Variants in SNX29 observed in about 807,000 individuals in gnomAD.
SNX29 encodes sorting nexin 29.
Under a neutral mutation model 102.1 loss-of-function variants are expected in SNX29, and 78 were observed. The observed-to-expected ratio is 0.76, with a 90% CI of 0.64 to 0.92. The LOEUF is 0.92. SNX29 is among the 40% of genes least tolerant of loss of function. The pLI is 0.00. For synonymous variants in SNX29, 580 were observed against 414.5 expected, an observed-to-expected ratio of 1.40 and a Z score of -4.85; for missense variants, 1,280 against 1,061.7, an observed-to-expected ratio of 1.21 and a Z score of -2.86.
At position 12,570,892 on chromosome 16, in the gene SNX29, A is replaced by C. The variant is rs2079173705; in HGVS notation, c.*2263A>C. On this transcript the variant is annotated 3_prime_UTR_variant, in exon 21 of 21. Transcript: ENST00000566228. ...CTACTTTTATAATACTGAATTATTC[A>C]CAAAAAACCTGGTCTGCTCTCCAAA... is the stretch of plus-strand genomic sequence containing the variant. The C allele has an allele frequency of 4.3e-6, 1 of 230,240 alleles. No individual in the cohort carries two copies. Among genetic ancestry groups the C allele is most frequent in the South Asian group, 1.9e-4 (1 of 5,398 alleles). The allele number at this position is 230,240 out of a possible 1,614,324, so 14.3% of individuals were successfully genotyped here.
chr16:12,157,373 C>A (rs1202931326), intron 13 of SNX29, among the ~76,000 whole-genome samples: 1 of 152,072 alleles, frequency 6.6e-6, no homozygotes, highest in Admixed American at 6.5e-5. Flanking sequence ...CACTGGCCCT[C>A]CACAGCATGA....
chr16:12,268,639 C>G (rs187954661), intron 14 of SNX29, among the ~76,000 whole-genome samples: 1 of 152,146 alleles, frequency 6.6e-6, no homozygotes, highest in Non-Finnish European at 1.5e-5. Flanking sequence ...GAACCTTGCC[C>G]GTTGTTATGG....
chr16:12,395,614 G>C (rs80031757), intron 16 of SNX29, among the ~76,000 whole-genome samples: 1,998 of 152,314 alleles, frequency 0.013, 45 homozygotes, highest in African/African-American at 0.045. Context: ...AATAGAGATA[G>C]CCATGTTGCT....
chr16:12,547,913 G>C (rs1330042016), intron 20 of SNX29, among the ~76,000 whole-genome samples: 1 of 152,150 alleles, frequency 6.6e-6, no homozygotes, highest in African/African-American at 2.4e-5. Context: ...GCTGCTCTTA[G>C]GGGTTCAGGG....
intron 20 of SNX29, among the ~76,000 whole-genome samples, chr16:12,552,785 C>G (rs572905907): frequency 2.3e-3 from 344 of 152,252 alleles, no homozygotes; most frequent in African/African-American, 8.1e-3. Flanking sequence ...CAGCTCTGGG[C>G]TTTCAGTCAT....
chr16:12,323,432 T>C (rs764552923), intron 15 of SNX29, among the ~76,000 whole-genome samples: 7 of 151,306 alleles, frequency 4.6e-5, no homozygotes, highest in Non-Finnish European at 8.8e-5. Flanking sequence ...TTGCCATCAA[T>C]AGAAAAATAA....
chr16:12,332,505 G>T lies in SNX29; in HGVS notation c.1783-23658G>T, dbSNP rs1282086215. Among the ~76,000 whole-genome samples, 3 of 152,154 alleles carry T rather than the reference G, an allele frequency of 2.0e-5. No homozygotes were observed. In the East Asian group the frequency reaches 5.8e-4, roughly 29 times the overall value. The stretch of plus-strand genomic sequence containing the variant: ...TGCGCCTTTTGCCTGTTAAAGTGAT[G>T]ACTCTATCCTCCCCCGTCCTCGTCA... On this transcript the variant is annotated intron_variant, in intron 15 of 20. Coordinates refer to ENST00000566228, the MANE Select transcript of SNX29 (RefSeq NM_032167.5).
intron 20 of SNX29, among the ~76,000 whole-genome samples, chr16:12,547,703 G>A (rs1321909808): frequency 1.3e-5 from 2 of 152,090 alleles, no homozygotes; most frequent in Non-Finnish European, 2.9e-5. Flanking sequence ...TTCCTGTCTG[G>A]GATCTGCATA....
At chr16:12,395,168 C>T (rs936084476) in intron 16 of SNX29, among the ~76,000 whole-genome samples, 10 of 152,044 alleles carry the variant, frequency 6.6e-5, no homozygotes, top group Non-Finnish European at 1.5e-4. Context: ...ACTTTTCATT[C>T]TTTTTGGCAG....
rs567244603 is a variant in SNX29, at chr16:12,313,930, C to G, written c.1782+35894C>G. ...ACCATCTGGCTGTTAAGTGGAGGGC[C>G]TAGGACTCAAGTCCAGTTCTTTGGT... On this transcript the variant is annotated intron_variant, in intron 15 of 20. Transcript: ENST00000566228. Among the ~76,000 whole-genome samples the G allele has an allele frequency of 3.3e-5, 5 of 152,360 alleles. No homozygotes were observed. In the South Asian group the frequency reaches 1.0e-3, roughly 32 times the overall value.
rs138175976 is a variant in SNX29 at position 12,286,460 on chromosome 16, C to T, written c.1782+8424C>T. The stretch of plus-strand genomic sequence containing the variant: ...TCCCGGGTTCATGCCATTCTTCTGC[C>T]TCAGCCTCCCAAGTAGCTGGGACTA... On this transcript the variant is annotated intron_variant, in intron 15 of 20. Transcript: ENST00000566228. Among the ~76,000 whole-genome samples the T allele has an allele frequency of 6.6e-3, 1,001 of 151,512 alleles. 63 individuals carry two copies. In the East Asian group the frequency reaches 0.15, roughly 23 times the overall value.
At chr16:12,252,868 C>T (rs2078462168) in intron 14 of SNX29, among the ~76,000 whole-genome samples, 1 of 152,258 alleles carries the variant, frequency 6.6e-6, no homozygotes, top group South Asian at 2.1e-4. Context: ...GCTCTTCCAG[C>T]TGTCTAATTG....
chr16:12,310,354 A>G (rs2080498111), intron 15 of SNX29, among the ~76,000 whole-genome samples: 1 of 152,250 alleles, frequency 6.6e-6, no homozygotes, highest in African/African-American at 2.4e-5. Flanking sequence ...ACACGTTCAC[A>G]CAAGGACTTG....
At chr16:12,453,654 T>G (rs888966165) in intron 18 of SNX29, among the ~76,000 whole-genome samples, 1 of 152,170 alleles carries the variant, frequency 6.6e-6, no homozygotes, top group Non-Finnish European at 1.5e-5. Flanking sequence ...TTGCTGGGAT[T>G]AGAGGCATGA....
chr16:12,522,316 G>C (rs894963745), intron 19 of SNX29, among the ~76,000 whole-genome samples: 3 of 148,494 alleles, frequency 2.0e-5, no homozygotes, highest in African/African-American at 7.6e-5. Flanking sequence ...CGCTCAGTCT[G>C]CCAGCCCTGG....
intron 19 of SNX29, among the ~76,000 whole-genome samples, chr16:12,521,207 A>G (rs191150203): frequency 1.3e-5 from 2 of 152,196 alleles, no homozygotes; most frequent in East Asian, 3.9e-4. Context: ...AAACAAATAA[A>G]ACACTCGTTC....
At chr16:12,254,239 G>A (rs184658516) in intron 14 of SNX29, among the ~76,000 whole-genome samples, 1 of 152,138 alleles carries the variant, frequency 6.6e-6, no homozygotes, top group Admixed American at 6.5e-5. Flanking sequence ...CACATTGAGG[G>A]TATTGAAAGC....
chr16:12,462,328 T>C (rs1169202911), intron 18 of SNX29, among the ~76,000 whole-genome samples: 1 of 152,076 alleles, frequency 6.6e-6, no homozygotes, highest in African/African-American at 2.4e-5. Context: ...TTCAAGTACC[T>C]CTACAGTTTA....
intron 14 of SNX29, among the ~76,000 whole-genome samples, chr16:12,254,146 A>G (rs939281921): frequency 1.3e-5 from 2 of 152,168 alleles, no homozygotes; most frequent in African/African-American, 2.4e-5. Context: ...AGTGTGAGCT[A>G]TCTGAACATC....
Sources: allele counts gnomAD v4.1 joint callset (sites outside exome capture counted in the v4.1 genomes callset), GRCh38; gene constraint gnomAD v4.1.1; transcripts MANE v1.5; gene names NCBI Gene and HGNC (gene_info 2026-07-23, HGNC 2026-07-21).